Variants in GNG12 observed in about 807,000 individuals in gnomAD.
The protein encoded by GNG12 is guanine nucleotide-binding protein G(I)/G(S)/G(O) subunit gamma-12.
For missense variants in GNG12, 69 were observed against 83.8 expected (o/e 0.82, Z 0.69); for synonymous variants, 28 against 29.7 (o/e 0.94, Z 0.19).
At chr1:67,709,508 A>C (rs1305523794) in intron 2 of GNG12, among the ~76,000 whole-genome samples, 1 of 152,060 alleles carries the variant, frequency 6.6e-6, no homozygotes, top group Non-Finnish European at 1.5e-5. Flanking sequence ...AGCAGTACAG[A>C]AAACTAGGAG....
chr1:67,708,084 A>G (rs1449296182), intron 2 of GNG12, among the ~76,000 whole-genome samples: 1 of 152,202 alleles, frequency 6.6e-6, no homozygotes, highest in Non-Finnish European at 1.5e-5. Flanking sequence ...GGCATATTAC[A>G]TGTCAGTTTA....
At chr1:67,728,201 C>G (rs1305570426) in intron 2 of GNG12, among the ~76,000 whole-genome samples, 1 of 152,118 alleles carries the variant, frequency 6.6e-6, no homozygotes, top group Non-Finnish European at 1.5e-5. Context: ...AGGTGCAAGC[C>G]TCACCCCGTA....
intron 1 of GNG12, among the ~76,000 whole-genome samples, chr1:67,784,398 A>G (rs2100773758): frequency 6.6e-6 from 1 of 151,772 alleles, no homozygotes; most frequent in South Asian, 2.1e-4. Context: ...GCGCACCAGC[A>G]TGGCACATGT....
At chr1:67,745,223 T>C (rs533526629) in intron 2 of GNG12, among the ~76,000 whole-genome samples, 1 of 152,220 alleles carries the variant, frequency 6.6e-6, no homozygotes, top group East Asian at 1.9e-4. Context: ...TCACAGAAAA[T>C]TTATATAAAT....
At chr1:67,766,567 T>C (rs1038623464) in intron 2 of GNG12, among the ~76,000 whole-genome samples, 1 of 152,000 alleles carries the variant, frequency 6.6e-6, no homozygotes, top group Non-Finnish European at 1.5e-5. Flanking sequence ...AGCTATGGTT[T>C]TGCCAAAGAT....
intron 2 of GNG12, among the ~76,000 whole-genome samples, chr1:67,713,790 T>C (rs1431925159): frequency 6.6e-6 from 1 of 152,230 alleles, no homozygotes; most frequent in Non-Finnish European, 1.5e-5. Context: ...CATAGGGTTG[T>C]CAGGGGAGAA....
In GNG12 at chr1:67,827,424, GT is replaced by G. The variant is rs536310689; in HGVS notation, c.-77+5919del. On this transcript the variant is annotated intron_variant, in intron 1 of 3. Transcript: ENST00000370982. ...ATTCTTAACAGTCTCCAACACTCCA[GT>G]TTTTTTTTTTATTTTTTTAAGATGG... Among the ~76,000 whole-genome samples the G allele has an allele frequency of 4.0e-3, 587 of 147,536 alleles. 1 individual carries two copies. Among genetic ancestry groups the G allele is most frequent in the African/African-American group, 0.013 (541 of 40,452 alleles).
chr1:67,832,489 G>A (rs117987489), intron 1 of GNG12: 6 of 152,168 alleles, frequency 3.9e-5, no homozygotes, highest in East Asian at 3.8e-4. Flanking sequence ...AGCGAGGGAC[G>A]AGTGAGTGAC....
At chr1:67,775,224 A>G (rs1365267608) in intron 2 of GNG12, among the ~76,000 whole-genome samples, 2 of 152,196 alleles carry the variant, frequency 1.3e-5, no homozygotes, top group Non-Finnish European at 2.9e-5. Context: ...CTAGTTAAAC[A>G]TTCTTCTCAT....
At chr1:67,726,922 G>A (rs763235237) in intron 2 of GNG12, among the ~76,000 whole-genome samples, 41 of 152,218 alleles carry the variant, frequency 2.7e-4, no homozygotes, top group African/African-American at 4.8e-4. Context: ...TTCAAAAGCC[G>A]CTCCTCTTCT....
At chr1:67,824,085 C>T (rs1017041635) in intron 1 of GNG12, among the ~76,000 whole-genome samples, 3 of 152,094 alleles carry the variant, frequency 2.0e-5, no homozygotes, top group African/African-American at 7.2e-5. Context: ...AATTAAAATA[C>T]CATATATTCT....
chr1:67,783,267 C>T (rs1646747377), intron 1 of GNG12, among the ~76,000 whole-genome samples: 1 of 152,140 alleles, frequency 6.6e-6, no homozygotes, highest in Admixed American at 6.6e-5. Flanking sequence ...AAGTTACTGC[C>T]AGTTTTTATT....
intron 1 of GNG12, among the ~76,000 whole-genome samples, chr1:67,793,039 T>C (rs1056896351): frequency 6.6e-6 from 1 of 152,182 alleles, no homozygotes; most frequent in Admixed American, 6.5e-5. Flanking sequence ...GAGACCAATG[T>C]CACTCTGTGA....
chr1:67,715,886 T>C (rs1162664649), intron 2 of GNG12, among the ~76,000 whole-genome samples: 2 of 152,246 alleles, frequency 1.3e-5, no homozygotes, highest in African/African-American at 4.8e-5. Flanking sequence ...ATTATTACCA[T>C]GCCATCATTG....
intron 1 of GNG12, among the ~76,000 whole-genome samples, chr1:67,820,085 A>AT (rs1444180284): frequency 1.0e-5 from 1 of 96,754 alleles, no homozygotes; most frequent in African/African-American, 4.0e-5. Flanking sequence ...CATTTGCTGA[A>AT]TTAAAAAAAA....
chr1:67,797,705 C>T (rs1646840246), intron 1 of GNG12, among the ~76,000 whole-genome samples: 1 of 152,130 alleles, frequency 6.6e-6, no homozygotes, highest in Admixed American at 6.5e-5. Context: ...GAGGTTCTGA[C>T]CTAGAAAATA....
chr1:67,733,392 T>C (rs1344337426), intron 2 of GNG12, among the ~76,000 whole-genome samples: 2 of 152,184 alleles, frequency 1.3e-5, no homozygotes, highest in African/African-American at 4.8e-5. Context: ...CTTTCAAACT[T>C]CCATATCCTC....
chr1:67,723,889 T>A (rs969609945), intron 2 of GNG12, among the ~76,000 whole-genome samples: 1 of 151,996 alleles, frequency 6.6e-6, no homozygotes, highest in African/African-American at 2.4e-5. Flanking sequence ...CTTTACGGGG[T>A]AAAAGGAAGT....
chr1:67,796,645 T>G (rs1276306), intron 1 of GNG12, among the ~76,000 whole-genome samples: 143,438 of 152,172 alleles, frequency 0.94, 67,871 homozygotes, highest in Non-Finnish European at 0.99. Flanking sequence ...CATTATAAAA[T>G]AAGTATTATA....
Sources: gnomAD v4.1 joint callset for allele counts (sites outside exome capture counted in the v4.1 genomes callset) on GRCh38, gnomAD v4.1.1 for gene constraint, MANE v1.5 for transcripts, NCBI Gene and HGNC (gene_info 2026-07-23, HGNC 2026-07-21) for gene names.